Variants in CNTNAP2 observed in about 807,000 individuals in gnomAD.
CNTNAP2 encodes the protein contactin associated protein 2.
A neutral mutation model predicts 155.2 loss-of-function variants in CNTNAP2; 98 were observed. That is an observed-to-expected ratio of 0.63 (90% CI 0.54 to 0.75). CNTNAP2 has a LOEUF of 0.75. Among genes scored for constraint, CNTNAP2 ranks in the 30% least tolerant of loss-of-function variants. CNTNAP2 has a pLI of 0.00. For missense variants in CNTNAP2, 1,727 were observed against 1,688.1 expected (o/e 1.02, Z -0.40); for synonymous variants, 651 against 631.2 (o/e 1.03, Z -0.47).
chr7:146,906,035 G>C (rs1454259826), intron 3 of CNTNAP2, among the ~76,000 whole-genome samples: 1 of 152,230 alleles, frequency 6.6e-6, no homozygotes, highest in Non-Finnish European at 1.5e-5. Flanking sequence ...TCAAAGAAAG[G>C]GGTGACGGAC....
At chr7:146,485,265 C>T (rs924191354) in intron 1 of CNTNAP2, among the ~76,000 whole-genome samples, 1 of 152,048 alleles carries the variant, frequency 6.6e-6, no homozygotes, top group Admixed American at 6.6e-5. Flanking sequence ...TTATTAACCA[C>T]TTATTTATAA....
intron 13 of CNTNAP2, among the ~76,000 whole-genome samples, chr7:147,822,999 G>A (rs1477379883): frequency 6.6e-6 from 1 of 152,194 alleles, no homozygotes; most frequent in Non-Finnish European, 1.5e-5. Flanking sequence ...CTACCTTCTT[G>A]AGCTGATTCT....
intron 12 of CNTNAP2, among the ~76,000 whole-genome samples, chr7:147,626,338 C>G (rs1166006650): frequency 6.6e-6 from 1 of 150,728 alleles, no homozygotes; most frequent in Non-Finnish European, 1.5e-5. Flanking sequence ...TTGCCAATTG[C>G]ATGGGGGGGT....
chr7:147,011,417 T>G (rs1486920689), intron 3 of CNTNAP2, among the ~76,000 whole-genome samples: 1 of 36,066 alleles, frequency 2.8e-5, no homozygotes, highest in Non-Finnish European at 4.4e-5. Flanking sequence ...ACACTCCATC[T>G]CAAAAAAAAA....
chr7:146,611,720 A>G lies in CNTNAP2; in HGVS notation c.98-162551A>G, dbSNP rs372737168. Among the ~76,000 whole-genome samples, 10 of 152,290 alleles carry G rather than the reference A, an allele frequency of 6.6e-5. No individual in the cohort carries two copies. In the South Asian group the frequency reaches 1.0e-3, roughly 16 times the overall value. Reference sequence around the variant, plus strand: ...TACCCTTATTAAAACTCTGCAAGGGAATATATAATTTAAATTACATATTTT... The same window carrying G: ...TACCCTTATTAAAACTCTGCAAGGGGATATATAATTTAAATTACATATTTT... On this transcript the variant is annotated intron_variant, in intron 1 of 23. Transcript: ENST00000361727.
At chr7:147,278,006 C>T (rs1804938767) in intron 8 of CNTNAP2, among the ~76,000 whole-genome samples, 1 of 151,564 alleles carries the variant, frequency 6.6e-6, no homozygotes, top group South Asian at 2.1e-4. Context: ...ACATAATCCA[C>T]TTGCTCATTC....
At chr7:147,404,678 A>C (rs943595467) in intron 10 of CNTNAP2, among the ~76,000 whole-genome samples, 1 of 152,124 alleles carries the variant, frequency 6.6e-6, no homozygotes, top group Non-Finnish European at 1.5e-5. Flanking sequence ...CCAGTCTTTC[A>C]TTTGATCTTT....
chr7:146,381,055 C>T (rs1795379648), intron 1 of CNTNAP2, among the ~76,000 whole-genome samples: 5 of 151,978 alleles, frequency 3.3e-5, no homozygotes, highest in African/African-American at 1.2e-4. Context: ...GCCTCGGCCT[C>T]CCAAAGTGCT....
intron 16 of CNTNAP2, among the ~76,000 whole-genome samples, chr7:148,147,201 G>A (rs2116651800): frequency 6.6e-6 from 1 of 152,280 alleles, no homozygotes; most frequent in Middle Eastern, 3.4e-3. Context: ...CCAGACTTCA[G>A]TCTCCTTATC....
intron 1 of CNTNAP2, among the ~76,000 whole-genome samples, chr7:146,243,426 A>G (rs920750462): frequency 5.9e-5 from 9 of 152,272 alleles, no homozygotes; most frequent in East Asian, 1.9e-4. Flanking sequence ...TTACATTTCC[A>G]GATCTTCTCT....
chr7:146,924,859 T>A (rs935336252), intron 3 of CNTNAP2, among the ~76,000 whole-genome samples: 12 of 152,160 alleles, frequency 7.9e-5, no homozygotes, highest in African/African-American at 2.9e-4. Flanking sequence ...ATCTTTTGAT[T>A]CATAGAAGTT....
chr7:146,260,828 A>G (rs1799908553), intron 1 of CNTNAP2, among the ~76,000 whole-genome samples: 1 of 152,150 alleles, frequency 6.6e-6, no homozygotes. Context: ...ACTTTAGGGG[A>G]CTGTTGAGAA....
At chr7:147,679,966 C>A (rs144482746) in intron 13 of CNTNAP2, among the ~76,000 whole-genome samples, 2,469 of 151,666 alleles carry the variant, frequency 0.016, 214 homozygotes, top group Admixed American at 0.15. Context: ...TGAATATCTT[C>A]GTTTCTTTTT....
intron 15 of CNTNAP2, among the ~76,000 whole-genome samples, chr7:148,098,923 A>G (rs1258681181): frequency 6.6e-6 from 1 of 152,170 alleles, no homozygotes; most frequent in Non-Finnish European, 1.5e-5. Flanking sequence ...GCCCAGAATA[A>G]AAGGCTCAGG....
At chr7:146,124,509 A>G (rs939361131) in intron 1 of CNTNAP2, among the ~76,000 whole-genome samples, 1 of 152,232 alleles carries the variant, frequency 6.6e-6, no homozygotes, top group Non-Finnish European at 1.5e-5. Context: ...TAGTGAAATT[A>G]TAGCATATTT....
At chr7:147,115,891 T>A (rs1204018309) in intron 5 of CNTNAP2, among the ~76,000 whole-genome samples, 1 of 152,324 alleles carries the variant, frequency 6.6e-6, no homozygotes, top group African/African-American at 2.4e-5. Flanking sequence ...AAAGGGGCAC[T>A]CGGCTTTTTG....
intron 21 of CNTNAP2, among the ~76,000 whole-genome samples, chr7:148,372,519 T>C (rs1036401835): frequency 6.6e-6 from 1 of 151,890 alleles, no homozygotes; most frequent in Admixed American, 6.6e-5. Context: ...ACCAGCCTGA[T>C]CAACATGGTG....
intron 3 of CNTNAP2, among the ~76,000 whole-genome samples, chr7:146,940,402 T>C (rs1797026891): frequency 6.6e-6 from 1 of 151,954 alleles, no homozygotes; most frequent in Admixed American, 6.6e-5. Flanking sequence ...CACCTTGTTG[T>C]CCAGGATGTC....
intron 14 of CNTNAP2, among the ~76,000 whole-genome samples, chr7:147,950,842 CAGAG>C (rs1387999862): frequency 6.6e-6 from 1 of 152,134 alleles, no homozygotes; most frequent in Non-Finnish European, 1.5e-5. Flanking sequence ...TTCTTATCAC[CAGAG>C]ATAGGGAGTG....
Sources: gnomAD v4.1 joint callset for allele counts (sites outside exome capture counted in the v4.1 genomes callset) on GRCh38, gnomAD v4.1.1 for gene constraint, MANE v1.5 for transcripts, NCBI Gene and HGNC (gene_info 2026-07-23, HGNC 2026-07-21) for gene names.